The following LRRTM4 variants were observed in gnomAD, a reference collection of about 807,000 sequenced individuals.
LRRTM4 encodes the protein leucine rich repeat transmembrane neuronal 4, also known as leucine-rich repeat transmembrane neuronal protein 4.
Under a neutral mutation model 47.6 loss-of-function variants are expected in LRRTM4, and 25 were observed. The ratio of observed to expected loss-of-function variants is 0.53; its 90% CI spans 0.38 to 0.73. LRRTM4 has a LOEUF of 0.73. Among genes scored for constraint, LRRTM4 ranks in the 30% least tolerant of loss-of-function variants. The pLI is 0.00. For missense variants in LRRTM4, 638 were observed against 713.4 expected (o/e 0.89, Z 1.20); for synonymous variants, 311 against 269.5 (o/e 1.15, Z -1.51).
intron 3 of LRRTM4, among the ~76,000 whole-genome samples, chr2:76,899,549 G>A (rs965772956): frequency 6.6e-6 from 1 of 152,012 alleles, no homozygotes; most frequent in Non-Finnish European, 1.5e-5. Flanking sequence ...CTACATGAAG[G>A]CAATAGCTAA....
At chr2:77,345,742 G>GT (rs1001094145) in intron 3 of LRRTM4, among the ~76,000 whole-genome samples, 5 of 151,312 alleles carry the variant, frequency 3.3e-5, no homozygotes, top group South Asian at 4.2e-4. Context: ...CCATTTGGAA[G>GT]TTTTTTTTAA....
In LRRTM4 at chr2:77,487,898, T is replaced by A. The variant is rs1487240463; in HGVS notation, c.1551+30420A>T. On this transcript the variant is annotated intron_variant, in intron 3 of 3. Coordinates refer to ENST00000409884, the MANE Select transcript of LRRTM4 (RefSeq NM_001134745.3). Reference sequence around the variant, plus strand: ...AAAGAGGACCTACCCACTTCGGGTCTCCTGAGACCTGTGCTGTTGCTCAAT... The same window carrying A: ...AAAGAGGACCTACCCACTTCGGGTCACCTGAGACCTGTGCTGTTGCTCAAT... 2.0e-5 allele frequency among the ~76,000 whole-genome samples: 3 copies of A among 152,302 alleles called. No homozygotes were observed. In the East Asian group the frequency reaches 5.8e-4, roughly 29 times the overall value.
At chr2:77,491,857 G>C (rs897303643) in intron 3 of LRRTM4, among the ~76,000 whole-genome samples, 1 of 151,762 alleles carries the variant, frequency 6.6e-6, no homozygotes. Flanking sequence ...ACTATAAAAG[G>C]CACATTTTTG....
intron 3 of LRRTM4, among the ~76,000 whole-genome samples, chr2:77,220,120 C>G (rs1223924785): frequency 1.3e-5 from 2 of 152,146 alleles, no homozygotes; most frequent in East Asian, 1.9e-4. Context: ...CTCCAGCAAA[C>G]TCCAACAGAC....
At chr2:76,876,231 C>G (rs962517078) in intron 3 of LRRTM4, among the ~76,000 whole-genome samples, 1 of 152,114 alleles carries the variant, frequency 6.6e-6, no homozygotes, top group Non-Finnish European at 1.5e-5. Flanking sequence ...CTATAATTTA[C>G]TTTAAATAAT....
In LRRTM4 at chr2:76,831,978, A is replaced by C. The variant is rs147822349; in HGVS notation, c.1552-83062T>G. 8.5e-5 allele frequency among the ~76,000 whole-genome samples: 13 copies of C among 152,192 alleles called. No individual in the cohort carries two copies. The East Asian group carries it at 2.3e-3, about 27-fold the overall frequency. ...AAAAGCAGTATCTTCTCCAGAAATC[A>C]TCAATACATTGTTATACTGATTGTT... On this transcript the variant is annotated intron_variant, in intron 3 of 3. Transcript: ENST00000409884.
intron 3 of LRRTM4, among the ~76,000 whole-genome samples, chr2:77,387,794 A>C (rs1402239373): frequency 6.6e-5 from 10 of 152,160 alleles, no homozygotes; most frequent in Admixed American, 6.6e-4. Context: ...GGAAAACGGT[A>C]ATGGGTTGGA....
intron 3 of LRRTM4, among the ~76,000 whole-genome samples, chr2:77,029,446 T>G (rs887872776): frequency 2.0e-5 from 3 of 151,924 alleles, no homozygotes; most frequent in Non-Finnish European, 4.4e-5. Context: ...GCTGAAGAAC[T>G]TGGAGTCTGA....
At chr2:76,763,569 C>A (rs1403042607) in intron 3 of LRRTM4, among the ~76,000 whole-genome samples, 2 of 152,296 alleles carry the variant, frequency 1.3e-5, no homozygotes, top group Admixed American at 1.3e-4. Flanking sequence ...GTTGTTTAAG[C>A]CACCTAGCCT....
chr2:77,160,069 C>T (rs1672670387), intron 3 of LRRTM4, among the ~76,000 whole-genome samples: 1 of 152,170 alleles, frequency 6.6e-6, no homozygotes, highest in Non-Finnish European at 1.5e-5. Flanking sequence ...TCTTGAATTT[C>T]TCCAAGATGC....
At chr2:77,097,838 G>A (rs1558578956) in intron 3 of LRRTM4, among the ~76,000 whole-genome samples, 1 of 151,826 alleles carries the variant, frequency 6.6e-6, no homozygotes, top group East Asian at 1.9e-4. Flanking sequence ...GGTAATTAAT[G>A]ACATAGAAAA....
intron 3 of LRRTM4, among the ~76,000 whole-genome samples, chr2:76,914,185 A>T (rs1329660082): frequency 6.6e-6 from 1 of 151,914 alleles, no homozygotes; most frequent in Admixed American, 6.6e-5. Context: ...GGTAAATTTA[A>T]TTGATATTCC....
At chr2:77,088,595 C>G (rs930504055) in intron 3 of LRRTM4, among the ~76,000 whole-genome samples, 1 of 152,134 alleles carries the variant, frequency 6.6e-6, no homozygotes, top group Non-Finnish European at 1.5e-5. Context: ...GGACTCAGCC[C>G]GCCTGCACCC....
At chr2:77,065,281 A>G (rs1344096356) in intron 3 of LRRTM4, among the ~76,000 whole-genome samples, 3 of 152,134 alleles carry the variant, frequency 2.0e-5, no homozygotes, top group Non-Finnish European at 4.4e-5. Flanking sequence ...TCTCATCTCT[A>G]TATTAATTCC....
chr2:77,032,371 T>A (rs1361486872), intron 3 of LRRTM4, among the ~76,000 whole-genome samples: 2 of 152,146 alleles, frequency 1.3e-5, no homozygotes, highest in African/African-American at 4.8e-5. Flanking sequence ...ATTTTCCTGT[T>A]TTCCTCACAG....
At chr2:77,376,954 T>C (rs1672863451) in intron 3 of LRRTM4, among the ~76,000 whole-genome samples, 1 of 152,030 alleles carries the variant, frequency 6.6e-6, no homozygotes, top group Non-Finnish European at 1.5e-5. Context: ...TATGGGAGAT[T>C]TGTCTCTTTC....
At chr2:77,296,998 CTCA>C (rs1676991993) in intron 3 of LRRTM4, among the ~76,000 whole-genome samples, 2 of 152,324 alleles carry the variant, frequency 1.3e-5, no homozygotes, top group Admixed American at 1.3e-4. Flanking sequence ...AAGCTCGACT[CTCA>C]TCATGGCTCC....
chr2:76,869,448 CT>C (rs1253038868), intron 3 of LRRTM4, among the ~76,000 whole-genome samples: 1 of 152,074 alleles, frequency 6.6e-6, no homozygotes, highest in Non-Finnish European at 1.5e-5. Context: ...TTGTCTTAAA[CT>C]GATAAATGCA....
chr2:76,864,860 G>A (rs1047378765), intron 3 of LRRTM4, among the ~76,000 whole-genome samples: 3 of 149,692 alleles, frequency 2.0e-5, no homozygotes, highest in Non-Finnish European at 3.0e-5. Flanking sequence ...TCGAGTAGCT[G>A]GGACTACAGG....
Sources: allele counts gnomAD v4.1 joint callset (sites outside exome capture counted in the v4.1 genomes callset), GRCh38; gene constraint gnomAD v4.1.1; transcripts MANE v1.5; gene names NCBI Gene and HGNC (gene_info 2026-07-23, HGNC 2026-07-21).